Variants in KIAA0825 observed in about 807,000 individuals in gnomAD.
KIAA0825 encodes uncharacterized protein KIAA0825.
KIAA0825 carries 119 observed loss-of-function variants against 147.6 expected under a neutral mutation model. The observed-to-expected ratio is 0.81, with a 90% confidence interval of 0.69 to 0.94. The LOEUF (loss-of-function observed/expected upper bound fraction) is 0.94. Ranked by LOEUF, KIAA0825 falls within the 40% of genes least tolerant of loss-of-function variation. The pLI is 0.00. For synonymous variants in KIAA0825, 470 were observed against 518.1 expected (o/e 0.91, Z 1.26); for missense variants, 1,381 against 1,472.7 (o/e 0.94, Z 1.02).
At chr5:94,331,509 C>G (rs1388650338) in intron 20 of KIAA0825, among the ~76,000 whole-genome samples, 1 of 152,094 alleles carries the variant, frequency 6.6e-6, no homozygotes, top group East Asian at 1.9e-4. Context: ...GAAATAATGC[C>G]ATTTCTATGT....
chr5:94,519,863 T>C (rs1459572128), intron 5 of KIAA0825: 4 of 585,568 alleles, frequency 6.8e-6, no homozygotes, highest in Non-Finnish European at 8.6e-6. Context: ...TGAGTATATG[T>C]GCTTATATAT....
chr5:94,183,973 G>A (rs994072078), intron 20 of KIAA0825, among the ~76,000 whole-genome samples: 2 of 152,204 alleles, frequency 1.3e-5, no homozygotes, highest in Admixed American at 6.5e-5. Flanking sequence ...TCAGAAATGT[G>A]GTTAACCTGG....
chr5:94,478,332 A>C (rs570787181), intron 6 of KIAA0825, among the ~76,000 whole-genome samples: 1 of 152,324 alleles, frequency 6.6e-6, no homozygotes, highest in South Asian at 2.1e-4. Flanking sequence ...AAAAGTTTTC[A>C]TCAACTCTAG....
chr5:94,354,698 A>C (rs1196339518), intron 20 of KIAA0825, among the ~76,000 whole-genome samples: 1 of 152,258 alleles, frequency 6.6e-6, no homozygotes, highest in Non-Finnish European at 1.5e-5. Context: ...ATTTTGAAGA[A>C]TGTTTCTGTC....
At chr5:94,442,204 A>G (rs1757169707) in intron 13 of KIAA0825, among the ~76,000 whole-genome samples, 1 of 152,236 alleles carries the variant, frequency 6.6e-6, no homozygotes, top group Non-Finnish European at 1.5e-5. Context: ...AAAGTCTCGA[A>G]GCACCTCCCC....
Position 94,386,318 on chromosome 5 carries a change from ACTC to A in KIAA0825, c.3540_3542del (p.Arg1180del). On this transcript the variant is annotated inframe_deletion, in exon 19 of 21. Transcript: ENST00000682413. The stretch of plus-strand genomic sequence containing the variant: ...TAAAGGCAGAAGGCTGATCTTCTAT[ACTC>A]CTCAAGGTCGTCTTTAAAGGTCGGA... The A allele has an allele frequency of 6.4e-7, 1 of 1,551,470 alleles. No homozygotes were observed. The highest frequency in any genetic ancestry group is 8.7e-7 in the Non-Finnish European group (1 of 1,146,802).
chr5:94,203,601 G>A (rs1771890022), intron 20 of KIAA0825, among the ~76,000 whole-genome samples: 2 of 152,042 alleles, frequency 1.3e-5, no homozygotes, highest in African/African-American at 4.8e-5. Context: ...GGGACCAGAT[G>A]TTTAAATTTA....
chr5:94,270,660 G>A (rs893607253), intron 20 of KIAA0825, among the ~76,000 whole-genome samples: 2 of 152,092 alleles, frequency 1.3e-5, no homozygotes, highest in African/African-American at 4.8e-5. Context: ...GAGAAAGGTA[G>A]TATCACAGAC....
chr5:94,575,092 G>T (rs2152338643), intron 2 of KIAA0825, among the ~76,000 whole-genome samples: 2 of 152,252 alleles, frequency 1.3e-5, no homozygotes, highest in East Asian at 3.9e-4. Context: ...AGATAAAATT[G>T]AAGAGGTATG....
rs892128197 is a variant in KIAA0825 at position 94,151,350 on chromosome 5, G to A, written c.*2657C>T. Among the ~76,000 whole-genome samples the A allele has an allele frequency of 1.1e-4, 16 of 147,440 alleles. No homozygotes were observed. The Admixed American group carries it at 1.1e-3, about 10-fold the overall frequency. On this transcript the variant is annotated 3_prime_UTR_variant, in exon 21 of 21. Coordinates refer to ENST00000682413, the MANE Select transcript of KIAA0825 (RefSeq NM_001145678.3). ...GAGAATGGCGTGAACCCGGGAAGCG[G>A]AGCTTGCAGTGAGCCGAGATTGCGC...
intron 20 of KIAA0825, among the ~76,000 whole-genome samples, chr5:94,247,959 A>G (rs1775715731): frequency 6.6e-6 from 1 of 152,108 alleles, no homozygotes; most frequent in Non-Finnish European, 1.5e-5. Flanking sequence ...ACTTCTTAGG[A>G]GTTTTTCATT....
chr5:94,471,816 T>C, intron 8 of KIAA0825, 85 bp from the exon 9 acceptor site: 1 of 1,247,324 alleles, frequency 8.0e-7, no homozygotes. Context: ...AATTCCTAAA[T>C]AATGAATTTG....
chr5:94,427,830 C>T (rs989978925), intron 14 of KIAA0825, among the ~76,000 whole-genome samples: 14 of 151,984 alleles, frequency 9.2e-5, no homozygotes, highest in African/African-American at 3.4e-4. Context: ...TAGATATGAC[C>T]TATAGCTTGT....
At chr5:94,428,817 TCTC>T (rs1755255547) in intron 14 of KIAA0825, among the ~76,000 whole-genome samples, 1 of 152,194 alleles carries the variant, frequency 6.6e-6, no homozygotes, top group African/African-American at 2.4e-5. Context: ...TTTCTCCATC[TCTC>T]TCAGGATGCC....
intron 2 of KIAA0825, among the ~76,000 whole-genome samples, chr5:94,557,649 A>C (rs763459426): frequency 6.6e-6 from 1 of 152,128 alleles, no homozygotes. Flanking sequence ...GGTAGTAAAG[A>C]GAGCTCACTG....
At chr5:94,573,128 T>C (rs1369085427) in intron 2 of KIAA0825, among the ~76,000 whole-genome samples, 1 of 27,746 alleles carries the variant, frequency 3.6e-5, no homozygotes, top group African/African-American at 1.4e-4. Context: ...TTGGGGGGGT[T>C]GGGGGGGTTG....
At chr5:94,333,592 G>A (rs925913271) in intron 20 of KIAA0825, among the ~76,000 whole-genome samples, 3 of 152,122 alleles carry the variant, frequency 2.0e-5, no homozygotes, top group African/African-American at 7.2e-5. Context: ...CTATACATCT[G>A]TTTTGGTACC....
intron 20 of KIAA0825, among the ~76,000 whole-genome samples, chr5:94,332,944 T>C (rs1781433973): frequency 2.0e-5 from 3 of 152,324 alleles, no homozygotes; most frequent in Admixed American, 1.3e-4. Context: ...GGTATCTCAT[T>C]GTGGTTTTGA....
chr5:94,395,822 T>G (rs1204950520), intron 17 of KIAA0825, among the ~76,000 whole-genome samples: 1 of 152,186 alleles, frequency 6.6e-6, no homozygotes, highest in Non-Finnish European at 1.5e-5. Context: ...TAAATTCTCC[T>G]GGGTTTAACT....
Sources: allele counts gnomAD v4.1 joint callset (sites outside exome capture counted in the v4.1 genomes callset), GRCh38; gene constraint gnomAD v4.1.1; transcripts MANE v1.5; gene names NCBI Gene and HGNC (gene_info 2026-07-23, HGNC 2026-07-21).